Variants in DENND2B observed in about 807,000 individuals in gnomAD.
DENND2B encodes the protein DENN domain containing 2B, also known as DENN domain-containing protein 2B.
In DENND2B, 32 loss-of-function variants were observed where a neutral mutation model predicts 116.0. That is an observed-to-expected ratio of 0.28 (90% CI 0.21 to 0.37). The LOEUF (loss-of-function observed/expected upper bound fraction) is 0.37, where lower values mean the gene tolerates loss of function less well. Ranked by LOEUF, DENND2B falls within the 10% of genes least tolerant of loss-of-function variation. DENND2B has a pLI of 1.00. For missense variants in DENND2B, 1,276 were observed against 1,477.7 expected (o/e 0.86, Z 2.24); for synonymous variants, 588 against 583.9 (o/e 1.01, Z -0.10).
intron 3 of DENND2B, among the ~76,000 whole-genome samples, chr11:8,727,368 GCACTCAA>G (rs2047247133): frequency 6.6e-6 from 1 of 152,178 alleles, no homozygotes; most frequent in African/African-American, 2.4e-5. Context: ...CCCGCCCCAA[GCACTCAA>G]CACAACCGAA....
rs566485004 is a variant in DENND2B, at chr11:8,868,954, C to T, written c.-250+2000G>A. 2.6e-5 allele frequency among the ~76,000 whole-genome samples: 4 copies of T among 152,344 alleles called. No homozygotes were observed. In the South Asian group the frequency reaches 6.2e-4, roughly 24 times the overall value. Reference sequence around the variant, plus strand: ...CTCTGAGTGTGGCCCAACACAAATTCGTAAACTTTTAAAAATATTATGATT... The same window carrying T: ...CTCTGAGTGTGGCCCAACACAAATTTGTAAACTTTTAAAAATATTATGATT... On this transcript the variant is annotated intron_variant, in intron 2 of 6. Transcript: ENST00000524757.
At chr11:8,725,172 G>A (rs574707007) in intron 4 of DENND2B, among the ~76,000 whole-genome samples, 3 of 152,264 alleles carry the variant, frequency 2.0e-5, no homozygotes, top group Non-Finnish European at 4.4e-5. Flanking sequence ...TGGAAACACA[G>A]GTGAGGCCTC....
rs1330121621 is a variant in DENND2B at position 8,707,671 on chromosome 11, G to A, written c.2430+106C>T. On this transcript the variant is annotated intron_variant, in intron 12 of 19. Transcript: ENST00000313726. The surrounding 1 kb of genome is among the most constrained non-coding windows in gnomAD (Gnocchi z 4.8). ...TACTTGTTCCTGCATTCTGTCTCCC[G>A]CTCGCTCACAGTCACAGGTGGTTTT... 3.4e-5 allele frequency: 37 copies of A among 1,079,056 alleles called. No individual in the cohort carries two copies. Among genetic ancestry groups the A allele is most frequent in the Non-Finnish European group, 4.4e-5 (33 of 741,892 alleles). The allele number at this position is 1,079,056 out of a possible 1,614,324, so 66.8% of individuals were successfully genotyped here. A position where few individuals can be genotyped will look rare whatever the true frequency, so the allele number is the denominator to read the frequency against.
At chr11:8,819,848 G>A (rs528754232) in intron 4 of DENND2B, among the ~76,000 whole-genome samples, 2 of 152,318 alleles carry the variant, frequency 1.3e-5, no homozygotes, top group East Asian at 1.9e-4. Flanking sequence ...AAGGAGTTTC[G>A]TAAGAAAAAC....
chr11:8,824,124 G>C (rs562234765), intron 4 of DENND2B, among the ~76,000 whole-genome samples: 27 of 151,866 alleles, frequency 1.8e-4, no homozygotes, highest in African/African-American at 6.0e-4. Flanking sequence ...GGATGGTCTC[G>C]ATCTCCTGAC....
intron 3 of DENND2B, among the ~76,000 whole-genome samples, chr11:8,728,574 C>T (rs2047537654): frequency 9.2e-6 from 1 of 109,072 alleles, no homozygotes; most frequent in Non-Finnish European, 1.8e-5. Context: ...ATGTGTAAAA[C>T]CTTCAGGCTG....
At chr11:8,903,927 A>G (rs2064203959) in intron 1 of DENND2B, among the ~76,000 whole-genome samples, 2 of 151,294 alleles carry the variant, frequency 1.3e-5, no homozygotes, top group South Asian at 2.1e-4. Flanking sequence ...AATAGAAAAT[A>G]TAAGTAGACC....
At chr11:8,782,441 A>C (rs1023479722) in intron 1 of DENND2B, among the ~76,000 whole-genome samples, 1 of 152,206 alleles carries the variant, frequency 6.6e-6, no homozygotes, top group African/African-American at 2.4e-5. Context: ...GCCTCCAAGC[A>C]TGAGTACATA....
At chr11:8,718,807 T>C in intron 4 of DENND2B, 1 of 1,003,410 alleles carries the variant, frequency 1.0e-6, no homozygotes, top group Non-Finnish European at 1.2e-6. Flanking sequence ...TTGAAGATGT[T>C]GAGTGGCACT....
chr11:8,723,151 C>T (rs2046477279), intron 4 of DENND2B, among the ~76,000 whole-genome samples: 1 of 152,072 alleles, frequency 6.6e-6, no homozygotes, highest in Non-Finnish European at 1.5e-5. Flanking sequence ...AGTTTGCTGC[C>T]CAGGACCCTG....
chr11:8,723,177 G>C (rs1267215660), intron 4 of DENND2B, among the ~76,000 whole-genome samples: 1 of 152,184 alleles, frequency 6.6e-6, no homozygotes, highest in Non-Finnish European at 1.5e-5. Context: ...ACCCAGTGTG[G>C]CTGCTGCCGT....
intron 1 of DENND2B, among the ~76,000 whole-genome samples, chr11:8,798,772 A>G (rs1245867044): frequency 1.3e-5 from 2 of 152,090 alleles, no homozygotes; most frequent in African/African-American, 2.4e-5. Context: ...AAGAAAATAA[A>G]AAGGCTTTTC....
intron 1 of DENND2B, among the ~76,000 whole-genome samples, chr11:8,901,229 C>CTTTTTTTTTTTTTTTT (rs1555223231): frequency 2.4e-5 from 2 of 83,918 alleles, no homozygotes; most frequent in Non-Finnish European, 4.4e-5. Flanking sequence ...CTTTTCTTTT[C>CTTTTTTTTTTTTTTTT]TTTTTTTTTT....
Position 8,750,674 on chromosome 11 carries a change from G to A in DENND2B, c.27C>T (p.Ser9=). ...TGCCACCAGCTCCGTGGGTGATGCTGGAATTCTTGTTGGCAGTCATGGTCA... is the reference window on the plus strand; with the variant it reads ...TGCCACCAGCTCCGTGGGTGATGCTAGAATTCTTGTTGGCAGTCATGGTCA... MTMTANKN[S]SITHGAGGTK... Residue 9 remains serine (S), a synonymous_variant, in exon 2 of 20, where the codon TCC becomes TCT. Coordinates refer to ENST00000313726, the MANE Select transcript of DENND2B (RefSeq NM_213618.2). The A allele has an allele frequency of 6.2e-7, 1 of 1,614,162 alleles. No individual in the cohort carries two copies. Among genetic ancestry groups the A allele is most frequent in the South Asian group, 1.1e-5 (1 of 91,082 alleles).
At chr11:8,731,618 G>A (rs2048141219) in intron 2 of DENND2B, among the ~76,000 whole-genome samples, 1 of 152,196 alleles carries the variant, frequency 6.6e-6, no homozygotes, top group South Asian at 2.1e-4. Flanking sequence ...GAGAGGCAGA[G>A]GCAAGAGGAT....
At chr11:8,810,950 C>A (rs1020282843), upstream of DENND2B, 5 of 224,864 alleles carry the variant, frequency 2.2e-5, no homozygotes, top group Non-Finnish European at 4.3e-5. Flanking sequence ...CTGAACTGCT[C>A]CTGGGAACTT....
At chr11:8,758,715 G>A (rs2134098504) in intron 1 of DENND2B, among the ~76,000 whole-genome samples, 1 of 152,314 alleles carries the variant, frequency 6.6e-6, no homozygotes, top group East Asian at 1.9e-4. Flanking sequence ...GGCCAGAGCT[G>A]AGCACAAGTG....
chr11:8,806,245 G>A (rs1392710383), intron 1 of DENND2B, among the ~76,000 whole-genome samples: 2 of 151,934 alleles, frequency 1.3e-5, no homozygotes, highest in Non-Finnish European at 2.9e-5. Flanking sequence ...CATCCACTAT[G>A]TGATTTCCAA....
intron 2 of DENND2B, among the ~76,000 whole-genome samples, chr11:8,869,049 G>C (rs113469307): frequency 6.6e-6 from 1 of 152,154 alleles, no homozygotes; most frequent in East Asian, 1.9e-4. Context: ...GGCCCCAGGC[G>C]ATTCTTCTTC....
Sources: allele counts gnomAD v4.1 joint callset (sites outside exome capture counted in the v4.1 genomes callset), GRCh38; gene constraint gnomAD v4.1.1; non-coding constraint Gnocchi (gnomAD v3.1); transcripts MANE v1.5; gene names NCBI Gene and HGNC (gene_info 2026-07-23, HGNC 2026-07-21).